KCNK6: variants seen among roughly 807,000 people sequenced by gnomAD.
KCNK6 encodes the protein potassium channel subfamily K member 6.
In KCNK6, 20 loss-of-function variants were observed where a neutral mutation model predicts 21.9. That is an observed-to-expected ratio of 0.91 (90% confidence interval 0.64 to 1.32). The LOEUF (loss-of-function observed/expected upper bound fraction) is 1.32. KCNK6 is among the 40% of genes most tolerant of loss of function. The pLI is 0.00. For missense variants in KCNK6, 415 were observed against 433.1 expected (o/e 0.96, Z 0.37); for synonymous variants, 210 against 218.0 (o/e 0.96, Z 0.32).
chr19:38,327,212 C>G lies in KCNK6; in HGVS notation c.751C>G (p.Leu251Val). Reference protein sequence around the residue: ...YLFLGLVAMVLVLQTFRHVSD... With the variant: ...YLFLGLVAMVVVLQTFRHVSD... ...CTTCCTGGGCCTGGTGGCCATGGTG[C>G]TGGTGCTGCAGACCTTCCGCCACGT... Residue 251 changes from leucine (L) to valine (V), a missense_variant, in exon 3 of 3, where the codon CTG becomes GTG. Leu to Val is a conservative substitution (Grantham distance 32). Transcript: ENST00000263372. The G allele has an allele frequency of 6.2e-7, 1 of 1,613,264 alleles. No individual in the cohort carries two copies. The highest frequency in any genetic ancestry group is 8.5e-7 in the Non-Finnish European group (1 of 1,180,040).
chr19:38,325,715 G>A (rs2145041726), intron 1 of KCNK6: 1 of 191,168 alleles, frequency 5.2e-6, no homozygotes, highest in East Asian at 1.9e-4. Context: ...ACCTGGAGAG[G>A]AGAGAGGGGA....
chr19:38,327,126 C>G (rs181505953), intron 2 of KCNK6, 54 bp from the exon 3 acceptor site: 11 of 1,593,748 alleles, frequency 6.9e-6, no homozygotes, highest in South Asian at 4.4e-5. Flanking sequence ...ACTGCGGCCC[C>G]GCCTGGAAAA....
chr19:38,325,515 C>A, intron 1 of KCNK6: 1 of 985,438 alleles, frequency 1.0e-6, no homozygotes. Flanking sequence ...ATCGAGCGCC[C>A]ACAGCAGTGA....
chr19:38,326,841 A>C lies in KCNK6; in HGVS notation c.571A>C (p.Ile191Leu), dbSNP rs79437503. The change falls in exon 2 of 3, where the codon ATC (isoleucine) becomes CTC (leucine). Residue 191 changes from isoleucine to leucine, a missense_variant. Ile to Leu is a conservative substitution (Grantham distance 5). Coordinates refer to ENST00000263372, the MANE Select transcript of KCNK6 (RefSeq NM_004823.3). ...VTVCFLVPAV[I>L]FAHLEEAWSF... ...CGTCTGCTTTCTGGTGCCGGCTGTG[A>C]TCTTTGCCCACCTCGAGGAGGCCTG... 1.2e-6 allele frequency: 2 copies of C among 1,610,658 alleles called. No individual in the cohort carries two copies. The highest frequency in any genetic ancestry group is 2.7e-5 in the African/African-American group (2 of 74,910).
intron 1 of KCNK6, 126 bp downstream of exon 1, chr19:38,320,398 A>T: frequency 9.6e-7 from 1 of 1,039,426 alleles, no homozygotes; most frequent in Non-Finnish European, 1.4e-6. Context: ...GGATCCCCCG[A>T]AAAGACCCCA....
chr19:38,320,403 AC>A, intron 1 of KCNK6, 131 bp downstream of exon 1: 1 of 996,664 alleles, frequency 1.0e-6, no homozygotes, highest in Non-Finnish European at 1.4e-6. Flanking sequence ...CCCCGAAAAG[AC>A]CCCAGTGAGG....
At position 38,326,865 on chromosome 19, in the gene KCNK6, T is replaced by G. The variant is rs1471284317; in HGVS notation, c.595T>G (p.Trp199Gly). The G allele has an allele frequency of 6.2e-7, 1 of 1,611,910 alleles. No homozygotes were observed. The highest frequency in any genetic ancestry group is 8.5e-7 in the Non-Finnish European group (1 of 1,180,006). The change falls in exon 2 of 3, where the codon TGG becomes GGG. Residue 199 changes from tryptophan to glycine, a missense_variant. Transcript: ENST00000263372. ...GATCTTTGCCCACCTCGAGGAGGCC[T>G]GGAGCTTCTTGGATGCCTTCTACTT... The part of the protein sequence containing the change: ...AVIFAHLEEA[W>G]SFLDAFYFCF...
Position 38,326,945 on chromosome 19 carries a change from C to A in KCNK6, c.675C>A (p.Ala225=), listed in dbSNP as rs367960019. The A allele has an allele frequency of 6.2e-7, 1 of 1,607,416 alleles. No homozygotes were observed. The change falls in exon 2 of 3, where the codon GCC becomes GCA. Residue 225 remains alanine, a synonymous_variant. Coordinates refer to ENST00000263372, the MANE Select transcript of KCNK6 (RefSeq NM_004823.3). ...TGGGCGACTACGTGCCCGGGGAGGC[C>A]CCTGGCCAGCCCTACCGGGCCCTCT... ...IGLGDYVPGE[A]PGQPYRALYK...
intron 1 of KCNK6, among the ~76,000 whole-genome samples, chr19:38,323,002 A>C (rs1287969477): frequency 6.6e-6 from 1 of 151,724 alleles, no homozygotes; most frequent in Admixed American, 6.6e-5. Context: ...AATCCCAGCT[A>C]CTTGGGAGGC....
intron 1 of KCNK6, among the ~76,000 whole-genome samples, chr19:38,321,853 A>C (rs1199734371): frequency 1.3e-5 from 2 of 152,210 alleles, no homozygotes. Context: ...GGCTTCTAAG[A>C]AGTCATCCCT....
rs749443797 is a variant in KCNK6, at chr19:38,327,428, G to A, written c.*25G>A. 16 of 1,597,980 alleles carry A rather than the reference G, an allele frequency of 1.0e-5. No homozygotes were observed. In the African/African-American group the frequency reaches 2.0e-4, roughly 20 times the overall value. On this transcript the variant is annotated 3_prime_UTR_variant, in exon 3 of 3. Transcript: ENST00000263372. ...GCTGGGGCAGCCTCTGCCAGGCTTG[G>A]GTGTGCCTGGCCTGGGACTGAGGGG...
At chr19:38,323,162 C>T (rs1177423954) in intron 1 of KCNK6, among the ~76,000 whole-genome samples, 1 of 152,104 alleles carries the variant, frequency 6.6e-6, no homozygotes, top group African/African-American at 2.4e-5. Flanking sequence ...GATCAGATAT[C>T]GGGGTGGGTG....
chr19:38,322,943 T>C (rs959266002), intron 1 of KCNK6, among the ~76,000 whole-genome samples: 1 of 150,520 alleles, frequency 6.6e-6, no homozygotes, highest in Non-Finnish European at 1.5e-5. Context: ...CGAAACCCCA[T>C]CTCTACTAAA....
chr19:38,322,317 G>C (rs867078250), intron 1 of KCNK6, among the ~76,000 whole-genome samples: 1 of 152,240 alleles, frequency 6.6e-6, no homozygotes, highest in African/African-American at 2.4e-5. Flanking sequence ...TTGTGGTAGA[G>C]GAGAGACCAT....
chr19:38,326,798 G>A lies in KCNK6; in HGVS notation c.528G>A (p.Leu176=), dbSNP rs1470925372. 2 of 1,606,550 alleles carry A rather than the reference G, an allele frequency of 1.2e-6. No individual in the cohort carries two copies. Among genetic ancestry groups the A allele is most frequent in the Non-Finnish European group, 1.7e-6 (2 of 1,180,008 alleles). Residue 176 remains leucine (L), a synonymous_variant, in exon 2 of 3, where the codon CTG becomes CTA. Transcript: ENST00000263372. ...RRAACWHLVA[L]LGVVVTVCFL... is the part of the protein sequence containing the mutation. ...CGGCCTGCTGGCACTTGGTGGCCCT[G>A]TTGGGGGTCGTAGTGACCGTCTGCT...
rs1187207476 is a variant in KCNK6 at position 38,327,460 on chromosome 19, C to T, written c.*57C>T. 9.2e-6 allele frequency: 14 copies of T among 1,518,774 alleles called. No homozygotes were observed. The highest frequency in any genetic ancestry group is 1.4e-5 in the African/African-American group (1 of 73,194). 94.1% of individuals were successfully genotyped at this position (1,518,774 alleles called of 1,614,324 possible). ...CTGGCCTGGGACTGAGGGGTCCAGGCGACCAGAGCTGGCTGTACAGGAATG... is the reference window on the plus strand; with the variant it reads ...CTGGCCTGGGACTGAGGGGTCCAGGTGACCAGAGCTGGCTGTACAGGAATG... On this transcript the variant is annotated 3_prime_UTR_variant, in exon 3 of 3. Transcript: ENST00000263372.
Position 38,326,774 on chromosome 19 carries a change from G to T in KCNK6, c.504G>T (p.Ala168=). 1 of 1,604,734 alleles carries T rather than the reference G, an allele frequency of 6.2e-7. No individual in the cohort carries two copies. The highest frequency in any genetic ancestry group is 8.5e-7 in the Non-Finnish European group (1 of 1,179,978). ...GTTGGGGCTGGGACCCCCGGCGGGCGGCCTGCTGGCACTTGGTGGCCCTGT... is the reference window on the plus strand; with the variant it reads ...GTTGGGGCTGGGACCCCCGGCGGGCTGCCTGCTGGCACTTGGTGGCCCTGT... ...SMRWGWDPRR[A]ACWHLVALLG... Residue 168 remains alanine, a synonymous_variant, in exon 2 of 3, where the codon GCG becomes GCT. Coordinates refer to ENST00000263372, the MANE Select transcript of KCNK6 (RefSeq NM_004823.3).
rs2145043077 is a variant in KCNK6 at position 38,326,947 on chromosome 19, CT to C, written c.678del (p.Gly227AlafsTer103). ...GGCGACTACGTGCCCGGGGAGGCCC[CT>C]GGCCAGCCCTACCGGGCCCTCTACA... ...GLGDYVPGEA[P>X]GQPYRALYKV... is the part of the protein sequence containing the mutation. On this transcript the variant is annotated frameshift_variant, in exon 2 of 3. Transcript: ENST00000263372. LOFTEE classifies it high-confidence loss of function. 3 of 1,607,436 alleles carry C rather than the reference CT, an allele frequency of 1.9e-6. No individual in the cohort carries two copies. The highest frequency in any genetic ancestry group is 2.5e-6 in the Non-Finnish European group (3 of 1,179,894).
chr19:38,320,125 C>A lies in KCNK6; in HGVS notation c.175C>A (p.Leu59Met). The A allele has an allele frequency of 6.3e-7, 1 of 1,586,350 alleles. No homozygotes were observed. Among genetic ancestry groups the A allele is most frequent in the Non-Finnish European group, 8.5e-7 (1 of 1,173,824 alleles). ...CAGCCCGTGTGTGGCTGCCCCCGCCCTGGACGCCTTCGTGGAGCGAGTGCT... is the reference window on the plus strand; with the variant it reads ...CAGCCCGTGTGTGGCTGCCCCCGCCATGGACGCCTTCGTGGAGCGAGTGCT... Reference protein sequence around the residue: ...QRSPCVAAPALDAFVERVLAA... With the variant: ...QRSPCVAAPAMDAFVERVLAA... The change falls in exon 1 of 3, where the codon CTG (leucine) becomes ATG (methionine). Residue 59 changes from leucine to methionine, a missense_variant. Physicochemically the swap from Leu to Met is conservative, Grantham distance 15 (BLOSUM62 2). Coordinates refer to ENST00000263372, the MANE Select transcript of KCNK6 (RefSeq NM_004823.3).
Sources: allele counts gnomAD v4.1 joint callset (sites outside exome capture counted in the v4.1 genomes callset), GRCh38; gene constraint gnomAD v4.1.1; transcripts MANE v1.5; gene names NCBI Gene and HGNC (gene_info 2026-07-23, HGNC 2026-07-21).